The following BAHCC1 variants were observed in gnomAD, a reference collection of about 807,000 sequenced individuals.
BAHCC1 encodes BAH domain and coiled-coil containing 1.
Under a neutral mutation model 88.2 loss-of-function variants are expected in BAHCC1, and 43 were observed. That is an observed-to-expected ratio of 0.49 (90% CI 0.38 to 0.63). The LOEUF (loss-of-function observed/expected upper bound fraction) is 0.63, where lower values mean the gene tolerates loss of function less well. BAHCC1 is among the 20% of genes least tolerant of loss of function. The probability of loss-of-function intolerance (pLI) is 0.00; values close to 1 mark genes in which losing one functional copy is unlikely to be tolerated. For synonymous variants in BAHCC1, 1,510 were observed against 745.5 expected (o/e 2.03, Z -16.71); for missense variants, 3,023 against 1,654.8 (o/e 1.83, Z -14.34).
intron 4 of BAHCC1, among the ~76,000 whole-genome samples, 161 bp from the exon 5 acceptor site, chr17:81,441,668 CAA>C (rs11333301): frequency 0.018 from 1,687 of 91,652 alleles, 15 homozygotes; most frequent in African/African-American, 0.052. Context: ...GACTCCGTCT[CAA>C]AAAAAAAAAA....
intron 23 of BAHCC1, 36 bp from the exon 24 acceptor site, chr17:81,460,241 G>C: frequency 1.4e-6 from 1 of 733,830 alleles, no homozygotes; most frequent in Non-Finnish European, 2.5e-6. Flanking sequence ...CGCCTACTGG[G>C]GGTTCCAGCT....
rs782054160 is a variant in BAHCC1, at chr17:81,411,084, G to T, written c.178+11167G>T. ...CGGGCCTGAGGGGTCCCTCTCTCTG[G>T]GGTCACGCTCCCTTGTTCTCAGTCC... On this transcript the variant is annotated intron_variant, in intron 2 of 27. Coordinates refer to ENST00000675386, the MANE Select transcript of BAHCC1 (RefSeq NM_001377448.1). The surrounding 1 kb of genome is among the most constrained non-coding windows in gnomAD (Gnocchi z 6.2). 4.0e-5 allele frequency: 21 copies of T among 519,338 alleles called. No individual in the cohort carries two copies. Among genetic ancestry groups the T allele is most frequent in the Non-Finnish European group, 7.7e-5 (20 of 259,778 alleles). 32.2% of individuals were successfully genotyped at this position (519,338 alleles called of 1,614,324 possible). A position where few individuals can be genotyped will look rare whatever the true frequency, so the allele number is the denominator to read the frequency against.
chr17:81,461,986 A>G lies in BAHCC1; in HGVS notation c.7323A>G (p.Pro2441=), dbSNP rs782054564. 2 of 777,478 alleles carry G rather than the reference A, an allele frequency of 2.6e-6. No individual in the cohort carries two copies. Among genetic ancestry groups the G allele is most frequent in the Non-Finnish European group, 4.8e-6 (2 of 417,154 alleles). The allele number at this position is 777,478 out of a possible 1,614,324, so 48.2% of individuals were successfully genotyped here. The stretch of plus-strand genomic sequence containing the variant: ...GGCCGCCCTCCGTGGAAAACCGGCC[A>G]AAGATCTCAGCCTTCCTGCCCGCCC... The part of the protein sequence containing the change: ...RQRPPSVENR[P]KISAFLPARQ... The change falls in exon 26 of 28, where the codon CCA becomes CCG. Residue 2441 remains proline, a synonymous_variant. Transcript: ENST00000675386.
chr17:81,452,965 A>G, intron 14 of BAHCC1, 114 bp downstream of exon 14: 1 of 598,112 alleles, frequency 1.7e-6, no homozygotes, highest in South Asian at 1.9e-5. Context: ...GCCCCTTCAC[A>G]CCTACTCTGA....
At chr17:81,397,381 TTTC>T (rs1443369190) in intron 1 of BAHCC1, among the ~76,000 whole-genome samples, 1 of 147,468 alleles carries the variant, frequency 6.8e-6, no homozygotes, top group African/African-American at 2.5e-5. Flanking sequence ...AACTTTGAAA[TTTC>T]TTATTGGAGA....
intron 11 of BAHCC1, among the ~76,000 whole-genome samples, chr17:81,450,706 C>T (rs977646638): frequency 6.6e-6 from 1 of 152,112 alleles, no homozygotes; most frequent in Non-Finnish European, 1.5e-5. Context: ...GGTGGCTGCT[C>T]CTCTGAGAAG....
At chr17:81,455,991 C>G (rs1213647240) in intron 15 of BAHCC1, among the ~76,000 whole-genome samples, 2 of 152,212 alleles carry the variant, frequency 1.3e-5, no homozygotes, top group East Asian at 1.9e-4. Context: ...TTTTATCCCT[C>G]CCTTTAGAAA....
In BAHCC1 at chr17:81,452,828, C is replaced by T. The variant is rs541297347; in HGVS notation, c.4422C>T (p.Pro1474=). Residue 1474 remains proline (P), a synonymous_variant, in exon 14 of 28, where the codon CCC becomes CCT. Coordinates refer to ENST00000675386, the MANE Select transcript of BAHCC1 (RefSeq NM_001377448.1). ...LPAPRPTGPL[P]RSDGKKVKAV... The stretch of plus-strand genomic sequence containing the variant: ...CCCCACGTCCCACGGGGCCGCTCCC[C>T]AGGAGCGATGGCAAGAAAGTCAAGT... 4.1e-5 allele frequency: 31 copies of T among 747,528 alleles called. No individual in the cohort carries two copies. The highest frequency in any genetic ancestry group is 7.2e-5 in the Non-Finnish European group (29 of 405,174). 46.3% of individuals were successfully genotyped at this position (747,528 alleles called of 1,614,324 possible).
In BAHCC1 at chr17:81,435,291, G is replaced by A. The variant is rs2064320357; in HGVS notation, c.359-3079G>A. Among the ~76,000 whole-genome samples, 1 of 152,114 alleles carries A rather than the reference G, an allele frequency of 6.6e-6. No individual in the cohort carries two copies. Among genetic ancestry groups the A allele is most frequent in the African/African-American group, 2.4e-5 (1 of 41,418 alleles). On this transcript the variant is annotated intron_variant, in intron 3 of 27. Transcript: ENST00000675386. The surrounding 1 kb of genome is among the most constrained non-coding windows in gnomAD (Gnocchi z 4.4). ...CCCTGGCTTTACTAACCCATCAGGT[G>A]CCTGTGGCTTTGAGCCTCTGTCTCC...
intron 13 of BAHCC1, 94 bp from the exon 14 acceptor site, chr17:81,452,629 C>A: frequency 1.7e-6 from 1 of 578,814 alleles, no homozygotes; most frequent in Non-Finnish European, 3.1e-6. Context: ...TTCCCCACAC[C>A]CAGTAGCCCT....
intron 10 of BAHCC1, among the ~76,000 whole-genome samples, chr17:81,446,527 T>C (rs1477881353): frequency 1.7e-4 from 4 of 22,910 alleles, no homozygotes; most frequent in Non-Finnish European, 2.0e-4. Context: ...TGCTCACACC[T>C]TTTTTTTTTT....
chr17:81,407,388 C>T (rs376681264), intron 2 of BAHCC1: 8 of 519,930 alleles, frequency 1.5e-5, no homozygotes, highest in Admixed American at 7.8e-5. Context: ...GGTCTCAGTG[C>T]GACTCCCTCT....
chr17:81,399,977 C>G lies in BAHCC1; in HGVS notation c.178+60C>G. On this transcript the variant is annotated intron_variant, in intron 2 of 27. Coordinates refer to ENST00000675386, the MANE Select transcript of BAHCC1 (RefSeq NM_001377448.1). The surrounding 1 kb of genome is among the most constrained non-coding windows in gnomAD (Gnocchi z 4.5). ...GCGTTCGAGAGCGGAACAGGGCGCCCACCCCTCCGCTCCCGGGAGCAGAGA... is the reference window on the plus strand; with the variant it reads ...GCGTTCGAGAGCGGAACAGGGCGCCGACCCCTCCGCTCCCGGGAGCAGAGA... 8.1e-7 allele frequency: 1 copy of G among 1,230,454 alleles called. No homozygotes were observed. The highest frequency in any genetic ancestry group is 1.0e-6 in the Non-Finnish European group (1 of 966,670). 76.2% of individuals were successfully genotyped at this position (1,230,454 alleles called of 1,614,324 possible).
At chr17:81,443,671 C>G in intron 5 of BAHCC1, 107 bp downstream of exon 5, 2 of 633,052 alleles carry the variant, frequency 3.2e-6, no homozygotes, top group South Asian at 1.8e-5. Context: ...CCTTGGCAGA[C>G]CCTCCGAGGC....
At chr17:81,429,121 CA>C (rs1487101987) in intron 3 of BAHCC1, among the ~76,000 whole-genome samples, 3 of 152,234 alleles carry the variant, frequency 2.0e-5, no homozygotes, top group African/African-American at 7.2e-5. Flanking sequence ...CTGTCCGTGT[CA>C]GGTGGGGGTG....
intron 27 of BAHCC1, 103 bp from the exon 28 acceptor site, chr17:81,463,508 C>T (rs1254280855): frequency 1.7e-5 from 12 of 706,570 alleles, no homozygotes; most frequent in East Asian, 5.3e-5. Context: ...GAAGTCCATC[C>T]GGTGACCCTT....
At chr17:81,439,585 C>T (rs1312977245) in intron 4 of BAHCC1, among the ~76,000 whole-genome samples, 3 of 149,124 alleles carry the variant, frequency 2.0e-5, no homozygotes, top group South Asian at 2.1e-4. Context: ...GAGGTTGTCC[C>T]GACTGTGGAG....
At chr17:81,460,429 G>T (rs1555658816) in intron 24 of BAHCC1, 33 bp downstream of exon 24, 1 of 739,468 alleles carries the variant, frequency 1.4e-6, no homozygotes, top group South Asian at 1.4e-5. Flanking sequence ...GCAGGGCCCT[G>T]CCTGGGCTCC....
intron 3 of BAHCC1, among the ~76,000 whole-genome samples, chr17:81,431,793 T>A (rs1598477174): frequency 1.3e-5 from 2 of 152,188 alleles, no homozygotes; most frequent in Non-Finnish European, 2.9e-5. Context: ...ATCCCCTCCC[T>A]GCCCTCTGAC....
Sources: gnomAD v4.1 joint callset for allele counts (sites outside exome capture counted in the v4.1 genomes callset) on GRCh38, gnomAD v4.1.1 for gene constraint, Gnocchi (gnomAD v3.1) non-coding constraint, MANE v1.5 for transcripts, NCBI Gene and HGNC (gene_info 2026-07-23, HGNC 2026-07-21) for gene names.